Variants in DDX23 observed in about 807,000 individuals in gnomAD.
DDX23 encodes the protein DEAD-box helicase 23, also known as probable ATP-dependent RNA helicase DDX23.
A neutral mutation model predicts 102.7 loss-of-function variants in DDX23; 33 were observed. The ratio of observed to expected loss-of-function variants is 0.32; its 90% CI spans 0.24 to 0.43. The LOEUF (loss-of-function observed/expected upper bound fraction) is 0.43, where lower values mean the gene tolerates loss of function less well. Ranked by LOEUF, DDX23 falls within the 20% of genes least tolerant of loss-of-function variation. The pLI is 1.00. For missense variants in DDX23, 549 were observed against 1,086.6 expected, an observed-to-expected ratio of 0.51 and a Z score of 6.96; for synonymous variants, 352 against 376.0, an observed-to-expected ratio of 0.94 and a Z score of 0.74.
intron 5 of DDX23, 130 bp downstream of exon 5, chr12:48,839,714 T>A: frequency 1.1e-6 from 1 of 885,566 alleles, no homozygotes; most frequent in Non-Finnish European, 1.7e-6. Context: ...ATAACCCTGC[T>A]GACACTCCGC....
rs527299088 is a variant in DDX23 at position 48,833,327 on chromosome 12, G to C, written c.1753C>G (p.Pro585Ala). The change falls in exon 13 of 17, where the codon CCT becomes GCT. Residue 585 changes from proline to alanine, a missense_variant. Pro to Ala is a conservative substitution (Grantham distance 27). This residue lies in a region of DDX23 where 270 missense variants were observed against 707.0 expected (regional missense o/e 0.38). Transcript: ENST00000308025. ...QKPDTDEAED[P>A]EKMLANFESG... ...TCAAAGTTGGCCAGCATCTTCTCAG[G>C]GTCCTCAGCCTCATCCGTGTCTGGC... 1 of 1,614,094 alleles carries C rather than the reference G, an allele frequency of 6.2e-7. No individual in the cohort carries two copies. The highest frequency in any genetic ancestry group is 1.1e-5 in the South Asian group (1 of 91,074).
rs1938464656 is a variant in DDX23, at chr12:48,836,050, A to G, written c.1382+71T>C. On this transcript the variant is annotated intron_variant, in intron 11 of 16. Transcript: ENST00000308025. The surrounding 1 kb of genome is among the most constrained non-coding windows in gnomAD (Gnocchi z 6.1). ...TGATTATAGACGTAAAACAAAAATC[A>G]AACATTCATTTGCCACTTTCACCTT... 1.3e-6 allele frequency: 2 copies of G among 1,540,926 alleles called. No individual in the cohort carries two copies. Among genetic ancestry groups the G allele is most frequent in the African/African-American group, 2.7e-5 (2 of 73,438 alleles).
chr12:48,835,202 A>G (rs765858896), intron 11 of DDX23: 1 of 238,862 alleles, frequency 4.2e-6, no homozygotes, highest in South Asian at 4.3e-5. Context: ...AGATCACACC[A>G]CTGCACTCCA....
chr12:48,836,521 T>G lies in DDX23; in HGVS notation c.1236+48A>C, dbSNP rs868533672. ...GGAACAAAGTTCTCTATTCCCAAAC[T>G]AGTGTAGGAACATGTCAGATCTCTT... On this transcript the variant is annotated intron_variant, in intron 10 of 16. Coordinates refer to ENST00000308025, the MANE Select transcript of DDX23 (RefSeq NM_004818.3). The surrounding 1 kb of genome is among the most constrained non-coding windows in gnomAD (Gnocchi z 6.1). 6.4e-7 allele frequency: 1 copy of G among 1,564,626 alleles called. No homozygotes were observed. The highest frequency in any genetic ancestry group is 2.2e-5 in the East Asian group (1 of 44,518).
intron 3 of DDX23, among the ~76,000 whole-genome samples, chr12:48,840,541 T>C (rs1240197509): frequency 1.4e-5 from 2 of 145,752 alleles, no homozygotes; most frequent in African/African-American, 2.5e-5. Flanking sequence ...TGTGGTTGTT[T>C]AGAGAAAAAT....
Position 48,832,108 on chromosome 12 carries a change from G to A in DDX23, c.2034C>T (p.Asp678=), listed in dbSNP as rs113829427. The change falls in exon 15 of 17, where the codon GAC becomes GAT. Residue 678 remains aspartate, a synonymous_variant. Coordinates refer to ENST00000308025, the MANE Select transcript of DDX23 (RefSeq NM_004818.3). This position sits in a 1 kb window ranked among gnomAD's most constrained non-coding sequence, Gnocchi z 4.4. The part of the protein sequence containing the change: ...IIFVNQKKGC[D]VLAKSLEKMG... ...TCTTCTCCAGGGATTTGGCCAACAC[G>A]TCGCAGCCCTTCTTCTGGTTGACAA... is the stretch of plus-strand genomic sequence containing the variant. 1,559 of 1,613,954 alleles carry A rather than the reference G, an allele frequency of 9.7e-4. 12 individuals carry two copies. The highest frequency in any genetic ancestry group is 9.0e-3 in the East Asian group (402 of 44,842).
chr12:48,841,455 C>T (rs897873003), intron 3 of DDX23, among the ~76,000 whole-genome samples: 3 of 152,108 alleles, frequency 2.0e-5, no homozygotes, highest in Non-Finnish European at 4.4e-5. Flanking sequence ...CTCCCCTCTC[C>T]CCTCTCCCCA....
In DDX23 at chr12:48,830,150, T is replaced by A. The variant is rs1938361502; in HGVS notation, c.*319A>T. ...ATCCGGCGGCCAGGTTTCTGTTCAG[T>A]CTGGGGAGCAATGCCAACTGGCTGC... On this transcript the variant is annotated 3_prime_UTR_variant, in exon 17 of 17. Coordinates refer to ENST00000308025, the MANE Select transcript of DDX23 (RefSeq NM_004818.3). The surrounding 1 kb of genome is among the most constrained non-coding windows in gnomAD (Gnocchi z 4.9). The A allele has an allele frequency of 1.9e-6, 1 of 519,808 alleles. No individual in the cohort carries two copies. The highest frequency in any genetic ancestry group is 3.7e-6 in the Non-Finnish European group (1 of 268,754). 32.2% of individuals were successfully genotyped at this position (519,808 alleles called of 1,614,324 possible). A position where few individuals can be genotyped will look rare whatever the true frequency, so the allele number is the denominator to read the frequency against.
At chr12:48,851,033 G>A (rs1487667526) in intron 1 of DDX23, among the ~76,000 whole-genome samples, 1 of 152,162 alleles carries the variant, frequency 6.6e-6, no homozygotes, top group Non-Finnish European at 1.5e-5. Flanking sequence ...CAGATCTTCA[G>A]GTCCTCAGTT....
rs138092482 is a variant in DDX23 at position 48,840,100 on chromosome 12, A to C, written c.327T>G (p.Ser109=). ...ATTTAAAGTCTTTTCCTCGACCAGG[A>C]GATAAGCTTTGAGGAAAAGGAACAA... ...RDKDRKRSSL[S]PGRGKDFKSR... is the part of the protein sequence containing the mutation. Residue 109 remains serine, a synonymous_variant, in exon 4 of 17, where the codon TCT becomes TCG. Coordinates refer to ENST00000308025, the MANE Select transcript of DDX23 (RefSeq NM_004818.3). The C allele has an allele frequency of 9.3e-6, 15 of 1,613,630 alleles. No homozygotes were observed. The African/African-American group carries it at 2.0e-4, about 22-fold the overall frequency.
chr12:48,831,138 T>C lies in DDX23; in HGVS notation c.2239+4A>G. The stretch of plus-strand genomic sequence containing the variant: ...GGATTGAAGCTGCTTTCCCTGGAAC[T>C]TACCTTCAATATTTTTGGCCATATC... On this transcript the variant is annotated splice_donor_region_variant and intron_variant, in intron 16 of 16. Transcript: ENST00000308025. 1 of 1,614,114 alleles carries C rather than the reference T, an allele frequency of 6.2e-7. No homozygotes were observed. The highest frequency in any genetic ancestry group is 8.5e-7 in the Non-Finnish European group (1 of 1,179,924).
intron 3 of DDX23, among the ~76,000 whole-genome samples, chr12:48,841,076 T>C (rs927052901): frequency 1.3e-5 from 2 of 152,080 alleles, no homozygotes; most frequent in African/African-American, 2.4e-5. Context: ...ACCTATACTT[T>C]CAGGGCCTGA....
intron 3 of DDX23, among the ~76,000 whole-genome samples, chr12:48,841,676 TG>T (rs1938553535): frequency 6.6e-6 from 1 of 152,238 alleles, no homozygotes; most frequent in Admixed American, 6.5e-5. Context: ...TTGGCCGGGC[TG>T]GTCTCCAGCT....
Position 48,831,266 on chromosome 12 carries a change from A to G in DDX23, c.2115T>C (p.Phe705=). The stretch of plus-strand genomic sequence containing the variant: ...CCCCAGCCTTGAGGTTGGACAACGC[A>G]AACTCTCGCTGCTCCTGGCCTTTTC... ...HGGKGQEQRE[F]ALSNLKAGAK... Residue 705 remains phenylalanine, a synonymous_variant, in exon 16 of 17, where the codon TTT becomes TTC. Coordinates refer to ENST00000308025, the MANE Select transcript of DDX23 (RefSeq NM_004818.3). The G allele has an allele frequency of 1.2e-6, 2 of 1,614,240 alleles. No homozygotes were observed. Among genetic ancestry groups the G allele is most frequent in the Admixed American group, 1.7e-5 (1 of 60,030 alleles).
chr12:48,839,722 C>T lies in DDX23; in HGVS notation c.480+122G>A, dbSNP rs867362060. 27 of 968,036 alleles carry T rather than the reference C, an allele frequency of 2.8e-5. 1 individual carries two copies. The highest frequency in any genetic ancestry group is 6.3e-4 in the Middle Eastern group (2 of 3,170). 60.0% of individuals were successfully genotyped at this position (968,036 alleles called of 1,614,324 possible). A position where few individuals can be genotyped will look rare whatever the true frequency, so the allele number is the denominator to read the frequency against. On this transcript the variant is annotated intron_variant, in intron 5 of 16. Transcript: ENST00000308025. ...AGAAGAAATAACCCTGCTGACACTC[C>T]GCTCTCAGACTTCCAGCCTCCAGAA...
intron 1 of DDX23, among the ~76,000 whole-genome samples, chr12:48,851,472 C>CAA: frequency 8.6e-6 from 1 of 116,848 alleles, no homozygotes; most frequent in African/African-American, 3.2e-5. Flanking sequence ...GACTCCGTCT[C>CAA]AAAAAAAAAA....
chr12:48,840,463 G>C (rs553969674), intron 3 of DDX23, among the ~76,000 whole-genome samples: 1 of 152,172 alleles, frequency 6.6e-6, no homozygotes, highest in African/African-American at 2.4e-5. Context: ...CTGAGGTCAG[G>C]AGTTCAAGAC....
chr12:48,850,591 G>T (rs1262322409), intron 1 of DDX23, among the ~76,000 whole-genome samples: 1 of 152,162 alleles, frequency 6.6e-6, no homozygotes, highest in Non-Finnish European at 1.5e-5. Flanking sequence ...AAAAAATAGA[G>T]AAGAAGCTCC....
chr12:48,841,571 G>C (rs993138908), intron 3 of DDX23, among the ~76,000 whole-genome samples: 20 of 152,258 alleles, frequency 1.3e-4, no homozygotes, highest in African/African-American at 2.9e-4. Context: ...CCTGATTCTC[G>C]TGCCTCAGCC....
Sources: gnomAD v4.1 joint callset for allele counts (sites outside exome capture counted in the v4.1 genomes callset) on GRCh38, gnomAD v4.1.1 for gene constraint, gnomAD v4.1.1 regional missense constraint, Gnocchi (gnomAD v3.1) non-coding constraint, MANE v1.5 for transcripts, NCBI Gene and HGNC (gene_info 2026-07-23, HGNC 2026-07-21) for gene names.